The following C6orf89 variants were observed in gnomAD, a reference collection of about 807,000 sequenced individuals.
C6orf89 encodes bombesin receptor-activated protein C6orf89.
A neutral mutation model predicts 40.7 loss-of-function variants in C6orf89; 29 were observed. The observed-to-expected ratio is 0.71, with a 90% CI of 0.53 to 0.97. The LOEUF is 0.97. C6orf89 is among the 50% of genes least tolerant of loss of function. C6orf89 has a pLI of 0.00. For missense variants in C6orf89, 392 were observed against 429.1 expected (o/e 0.91, Z 0.76); for synonymous variants, 165 against 152.2 (o/e 1.08, Z -0.62).
At chr6:36,901,318 ATTATTTTTT>A (rs1761686755) in intron 3 of C6orf89, among the ~76,000 whole-genome samples, 2 of 65,128 alleles carry the variant, frequency 3.1e-5, no homozygotes, top group Admixed American at 1.8e-4. Flanking sequence ...TATTATTATT[ATTATTTTTT>A]TTTTTTTTTT....
At chr6:36,874,837 C>A (rs1489494426) in intron 1 of C6orf89, 1 of 1,559,896 alleles carries the variant, frequency 6.4e-7, no homozygotes, top group Non-Finnish European at 8.8e-7. Context: ...AGCTGGGGAC[C>A]CGTCGCTGCT....
Position 36,923,517 on chromosome 6 carries a change from A to C in C6orf89, c.*76A>C. On this transcript the variant is annotated 3_prime_UTR_variant, in exon 9 of 9. Transcript: ENST00000480824. ...AAGGGGAAAAATAAAAACAAAAACG[A>C]TGAAACTGCTTTCTGGGGGTTGGTT... 4 of 1,121,840 alleles carry C rather than the reference A, an allele frequency of 3.6e-6. No homozygotes were observed. Among genetic ancestry groups the C allele is most frequent in the Non-Finnish European group, 4.0e-6 (3 of 745,394 alleles). 69.5% of individuals were successfully genotyped at this position (1,121,840 alleles called of 1,614,324 possible). A position where few individuals can be genotyped will look rare whatever the true frequency, so the allele number is the denominator to read the frequency against.
intron 4 of C6orf89, among the ~76,000 whole-genome samples, chr6:36,913,630 G>A (rs1762202849): frequency 6.6e-6 from 1 of 152,204 alleles, no homozygotes; most frequent in African/African-American, 2.4e-5. Context: ...AATGTTGGGG[G>A]AACTACATCT....
intron 4 of C6orf89, among the ~76,000 whole-genome samples, chr6:36,907,659 C>T (rs572122847): frequency 1.4e-3 from 206 of 148,004 alleles, no homozygotes; most frequent in African/African-American, 4.9e-3. Context: ...GATTTCTCTT[C>T]TCTGTCATAC....
At chr6:36,885,905 C>A, upstream of C6orf89, 1 of 683,604 alleles carries the variant, frequency 1.5e-6, no homozygotes. Context: ...GGGTACAAGG[C>A]CTCGCCCAGG....
intron 1 of C6orf89, among the ~76,000 whole-genome samples, chr6:36,878,126 T>C (rs1205424807): frequency 6.6e-6 from 1 of 152,196 alleles, no homozygotes; most frequent in Non-Finnish European, 1.5e-5. Flanking sequence ...CAAGTTTCAT[T>C]TTTTTCTATA....
intron 1 of C6orf89, chr6:36,875,037 C>T: frequency 2.2e-6 from 1 of 462,378 alleles, no homozygotes; most frequent in Admixed American, 4.1e-5. Flanking sequence ...CCACTCTGGG[C>T]GATCTGATTG....
At chr6:36,895,578 C>T (rs1413694422) in intron 2 of C6orf89, among the ~76,000 whole-genome samples, 1 of 152,192 alleles carries the variant, frequency 6.6e-6, no homozygotes, top group Non-Finnish European at 1.5e-5. Context: ...CCTGACTTCT[C>T]ATCTAAATGC....
intron 8 of C6orf89, among the ~76,000 whole-genome samples, chr6:36,920,559 A>G (rs1762477314): frequency 1.3e-5 from 2 of 152,158 alleles, no homozygotes; most frequent in South Asian, 4.1e-4. Context: ...CTTGCATCTC[A>G]TATGAGGGTA....
In C6orf89 at chr6:36,928,580, T is replaced by A. The variant is rs1762760020; in HGVS notation, c.*5139T>A. The A allele has an allele frequency of 6.6e-6, 1 of 152,140 alleles. No individual in the cohort carries two copies. The highest frequency in any genetic ancestry group is 1.5e-5 in the Non-Finnish European group (1 of 68,054). 9.4% of individuals were successfully genotyped at this position (152,140 alleles called of 1,614,324 possible). ...TTCCACAGTTTTACCCTCAGAAAAA[T>A]GTTGGCTGCAGTCTTCCCTTCCTTC... On this transcript the variant is annotated 3_prime_UTR_variant, in exon 9 of 9. Coordinates refer to ENST00000480824, the MANE Select transcript of C6orf89 (RefSeq NM_001286635.2).
chr6:36,899,435 A>G lies in C6orf89; in HGVS notation c.-10A>G. ...TCTCCGTCTCTCTCAGGGATTTTAT[A>G]TTGGAAGACATGGATCTTGCTGCCA... On this transcript the variant is annotated 5_prime_UTR_variant, in exon 3 of 9. It adds an upstream start codon to the 5' untranslated region. Transcript: ENST00000480824. The G allele has an allele frequency of 1.2e-6, 2 of 1,614,032 alleles. No individual in the cohort carries two copies. Among genetic ancestry groups the G allele is most frequent in the Non-Finnish European group, 1.7e-6 (2 of 1,179,970 alleles).
upstream of C6orf89, chr6:36,883,270 C>G (rs1391198185): frequency 6.6e-6 from 1 of 152,166 alleles, no homozygotes; most frequent in Non-Finnish European, 1.5e-5. Flanking sequence ...AACTTTGGAG[C>G]TTTAAACCTT....
intron 1 of C6orf89, chr6:36,874,678 C>T (rs761591768): frequency 6.2e-7 from 1 of 1,608,228 alleles, no homozygotes; most frequent in Admixed American, 1.7e-5. Context: ...CCGGGCTCCG[C>T]GTCTCCTCTG....
At chr6:36,908,794 A>G (rs1425687139) in intron 4 of C6orf89, among the ~76,000 whole-genome samples, 1 of 152,204 alleles carries the variant, frequency 6.6e-6, no homozygotes, top group Non-Finnish European at 1.5e-5. Context: ...CCCCTCTCAA[A>G]GGCTCTAGGG....
rs373564631 is a variant in C6orf89, at chr6:36,914,453, T to A, written c.555+18T>A. 252 of 1,613,734 alleles carry A rather than the reference T, an allele frequency of 1.6e-4. No individual in the cohort carries two copies. The South Asian group carries it at 2.2e-3, about 14-fold the overall frequency. ...TGATCAAGGTGAGCAGAAGCCTGAGTCTCCCGCTGATTGGCTGCTTGCTTA... is the reference window on the plus strand; with the variant it reads ...TGATCAAGGTGAGCAGAAGCCTGAGACTCCCGCTGATTGGCTGCTTGCTTA... On this transcript the variant is annotated intron_variant, in intron 5 of 8. Coordinates refer to ENST00000480824, the MANE Select transcript of C6orf89 (RefSeq NM_001286635.2).
At chr6:36,881,710 T>G (rs1329087568), upstream of C6orf89, among the ~76,000 whole-genome samples, 6 of 152,178 alleles carry the variant, frequency 3.9e-5, 1 homozygote, top group South Asian at 1.0e-3. Context: ...AACAATTAAT[T>G]ATTAGGATTC....
At position 36,900,923 on chromosome 6, in the gene C6orf89, T is replaced by C. The variant is rs189672977; in HGVS notation, c.189+1290T>C. The stretch of plus-strand genomic sequence containing the variant: ...GTGCAATGGTGTGATCTTGGCTCAG[T>C]GCAACCTCCGCCTCCCAGGTTCAAG... On this transcript the variant is annotated intron_variant, in intron 3 of 8. Coordinates refer to ENST00000480824, the MANE Select transcript of C6orf89 (RefSeq NM_001286635.2). Among the ~76,000 whole-genome samples the C allele has an allele frequency of 3.8e-3, 581 of 152,226 alleles. 1 individual carries two copies. The highest frequency in any genetic ancestry group is 6.8e-3 in the Middle Eastern group (2 of 292).
chr6:36,923,066 C>T (rs1762564357), intron 8 of C6orf89, among the ~76,000 whole-genome samples: 1 of 152,068 alleles, frequency 6.6e-6, no homozygotes, highest in African/African-American at 2.4e-5. Flanking sequence ...TGTAGTGGCC[C>T]ACACCTGTAA....
At chr6:36,874,248 G>A (rs1774585648) in intron 1 of C6orf89, among the ~76,000 whole-genome samples, 1 of 152,214 alleles carries the variant, frequency 6.6e-6, no homozygotes, top group South Asian at 2.1e-4. Context: ...ATCACTCTTT[G>A]ATAGTGGGGA....
Sources: gnomAD v4.1 joint callset for allele counts (sites outside exome capture counted in the v4.1 genomes callset) on GRCh38, gnomAD v4.1.1 for gene constraint, MANE v1.5 for transcripts, NCBI Gene and HGNC (gene_info 2026-07-23, HGNC 2026-07-21) for gene names.